FCHO2: variants seen among roughly 807,000 people sequenced by gnomAD.
FCHO2 encodes the protein F-BAR domain only protein 2.
Under a neutral mutation model 114.1 loss-of-function variants are expected in FCHO2, and 43 were observed. That is an observed-to-expected ratio of 0.38 (90% CI 0.30 to 0.49). FCHO2 has a LOEUF of 0.49. FCHO2 is among the 20% of genes least tolerant of loss of function. The pLI is 0.97. For missense variants in FCHO2, 807 were observed against 950.4 expected (o/e 0.85, Z 1.98); for synonymous variants, 293 against 315.2 (o/e 0.93, Z 0.75).
intron 8 of FCHO2, chr5:73,021,333 A>G (rs1338362172): frequency 2.5e-6 from 1 of 404,046 alleles, no homozygotes; most frequent in African/African-American, 2.0e-5. Flanking sequence ...TGGCGACAGG[A>G]GGGAAGGAGG....
chr5:73,017,354 T>C (rs1054019187), intron 8 of FCHO2, 46 bp downstream of exon 8: 10 of 1,243,582 alleles, frequency 8.0e-6, no homozygotes, highest in African/African-American at 1.5e-5. Context: ...TTTTCCCATA[T>C]AGTAACTAAC....
At chr5:73,078,361 G>T in intron 22 of FCHO2, 49 bp downstream of exon 22, 1 of 1,483,470 alleles carries the variant, frequency 6.7e-7, no homozygotes. Flanking sequence ...ATTAAAAAAT[G>T]GAATCTAGCA....
chr5:73,074,812 A>G lies in FCHO2; in HGVS notation c.1650A>G (p.Thr550=), dbSNP rs1172927206. ...QDTLPVAVAL[T]ESVNAYFKGA... The stretch of plus-strand genomic sequence containing the variant: ...CCTTACCTGTGGCAGTTGCCCTTAC[A>G]GAATCTGTTAATGCCTACTTTAAAG... The change falls in exon 20 of 26, where the codon ACA becomes ACG. Residue 550 remains threonine, a synonymous_variant. Coordinates refer to ENST00000430046, the MANE Select transcript of FCHO2 (RefSeq NM_138782.3). The G allele has an allele frequency of 6.2e-6, 10 of 1,612,894 alleles. No individual in the cohort carries two copies. The highest frequency in any genetic ancestry group is 5.0e-5 in the Admixed American group (3 of 59,818).
intron 6 of FCHO2, among the ~76,000 whole-genome samples, chr5:73,010,696 T>C (rs1271820788): frequency 6.6e-6 from 1 of 151,586 alleles, no homozygotes; most frequent in East Asian, 1.9e-4. Flanking sequence ...TGCTAATATG[T>C]TGAAATCCTG....
chr5:73,005,630 A>G (rs1052420538), intron 5 of FCHO2, among the ~76,000 whole-genome samples: 3 of 152,076 alleles, frequency 2.0e-5, no homozygotes, highest in Non-Finnish European at 4.4e-5. Context: ...TGAGAATATC[A>G]AGCTTCTTGA....
At chr5:73,060,920 A>G (rs1757821050) in intron 17 of FCHO2, among the ~76,000 whole-genome samples, 1 of 151,956 alleles carries the variant, frequency 6.6e-6, no homozygotes, top group Admixed American at 6.6e-5. Context: ...AAAATTTAAC[A>G]TAAATATCTT....
chr5:72,957,315 ATATCAGT>A (rs762856362), intron 1 of FCHO2, among the ~76,000 whole-genome samples: 4 of 152,204 alleles, frequency 2.6e-5, no homozygotes, highest in Non-Finnish European at 4.4e-5. Context: ...AAACATCACC[ATATCAGT>A]TTTACAACAA....
chr5:73,024,305 T>C (rs1034225299), intron 8 of FCHO2, among the ~76,000 whole-genome samples: 35 of 152,190 alleles, frequency 2.3e-4, no homozygotes, highest in African/African-American at 8.0e-4. Flanking sequence ...GAAGCAATCC[T>C]TCTGTCTCAG....
chr5:73,066,561 T>C (rs559386477), intron 18 of FCHO2, among the ~76,000 whole-genome samples: 2 of 149,284 alleles, frequency 1.3e-5, no homozygotes, highest in Non-Finnish European at 3.0e-5. Flanking sequence ...CAGCTGTACA[T>C]TGGAGTGCCT....
At chr5:72,988,305 G>A (rs1163374577) in intron 2 of FCHO2, among the ~76,000 whole-genome samples, 1 of 152,118 alleles carries the variant, frequency 6.6e-6, no homozygotes, top group African/African-American at 2.4e-5. Flanking sequence ...GGGTGTGGTG[G>A]CGGGTGCCTG....
At chr5:73,044,028 A>G (rs751093134) in intron 11 of FCHO2, among the ~76,000 whole-genome samples, 1 of 151,814 alleles carries the variant, frequency 6.6e-6, no homozygotes, top group Non-Finnish European at 1.5e-5. Context: ...CGTGATAGTA[A>G]GTGAGTTCTC....
At chr5:73,072,662 T>C (rs1021379139) in intron 19 of FCHO2, among the ~76,000 whole-genome samples, 1 of 152,112 alleles carries the variant, frequency 6.6e-6, no homozygotes, top group Admixed American at 6.6e-5. Context: ...CTTCCACTTA[T>C]ATGAGGTACT....
At chr5:73,085,544 G>C (rs898044785) in intron 24 of FCHO2, among the ~76,000 whole-genome samples, 2 of 151,936 alleles carry the variant, frequency 1.3e-5, no homozygotes, top group Non-Finnish European at 2.9e-5. Flanking sequence ...GGAGGCTGAG[G>C]CAGGTGGATC....
At chr5:73,048,582 C>G (rs1260310729) in intron 11 of FCHO2, among the ~76,000 whole-genome samples, 1 of 152,158 alleles carries the variant, frequency 6.6e-6, no homozygotes, top group Non-Finnish European at 1.5e-5. Context: ...TTCAGCTGTG[C>G]TTGGACATTT....
At chr5:73,054,359 CAAA>C (rs1236604751) in intron 14 of FCHO2, among the ~76,000 whole-genome samples, 163 bp from the exon 15 acceptor site, 1 of 152,090 alleles carries the variant, frequency 6.6e-6, no homozygotes. Context: ...TGCTGTAAAA[CAAA>C]AACTACTGTT....
chr5:73,058,086 C>T lies in FCHO2; in HGVS notation c.1254-347C>T, dbSNP rs144303107. Among the ~76,000 whole-genome samples the T allele has an allele frequency of 1.2e-3, 190 of 152,210 alleles. 1 individual carries two copies. Among genetic ancestry groups the T allele is most frequent in the Admixed American group, 3.1e-3 (47 of 15,280 alleles). ...AGTACAGTGGTGCAATCATAGCTCA[C>T]TGCAGCACAGAACTCCTGGGCTCAA... On this transcript the variant is annotated intron_variant, in intron 16 of 25. Coordinates refer to ENST00000430046, the MANE Select transcript of FCHO2 (RefSeq NM_138782.3).
At chr5:73,061,720 C>G (rs185381505) in intron 17 of FCHO2, among the ~76,000 whole-genome samples, 1 of 152,208 alleles carries the variant, frequency 6.6e-6, no homozygotes, top group East Asian at 1.9e-4. Flanking sequence ...GAACTTGTTA[C>G]AATTAATAGC....
intron 22 of FCHO2, 53 bp downstream of exon 22, chr5:73,078,365 TC>T: frequency 6.8e-7 from 1 of 1,472,476 alleles, no homozygotes; most frequent in South Asian, 1.3e-5. Context: ...AAAAATGGAA[TC>T]TAGCATATAA....
chr5:72,983,735 CA>C (rs1387334778), intron 2 of FCHO2, among the ~76,000 whole-genome samples: 1 of 151,934 alleles, frequency 6.6e-6, no homozygotes, highest in Non-Finnish European at 1.5e-5. Flanking sequence ...TGGGTAGTAT[CA>C]GTCTTCCAAC....
Sources: gnomAD v4.1 joint callset for allele counts (sites outside exome capture counted in the v4.1 genomes callset) on GRCh38, gnomAD v4.1.1 for gene constraint, MANE v1.5 for transcripts, NCBI Gene and HGNC (gene_info 2026-07-23, HGNC 2026-07-21) for gene names.